CIT: variants seen among roughly 807,000 people sequenced by gnomAD.
The protein encoded by CIT is citron rho-interacting serine/threonine kinase, also known as citron Rho-interacting kinase.
In CIT, 79 loss-of-function variants were observed where a neutral mutation model predicts 272.7. That is an observed-to-expected ratio of 0.29 (90% CI 0.24 to 0.35). The LOEUF (loss-of-function observed/expected upper bound fraction) is 0.35, where lower values mean the gene tolerates loss of function less well. Ranked by LOEUF, CIT falls within the 10% of genes least tolerant of loss-of-function variation. CIT has a pLI of 1.00. For missense variants in CIT, 1,909 were observed against 2,618.3 expected (o/e 0.73, Z 5.91); for synonymous variants, 948 against 995.6 (o/e 0.95, Z 0.90).
intron 30 of CIT, among the ~76,000 whole-genome samples, chr12:119,720,029 C>T (rs530119891): frequency 1.3e-5 from 2 of 152,244 alleles, no homozygotes; most frequent in Non-Finnish European, 1.5e-5. Context: ...CTTTGTGAGC[C>T]GATCAAAAGG....
intron 32 of CIT, among the ~76,000 whole-genome samples, chr12:119,717,400 T>C (rs1000328419): frequency 7.1e-6 from 1 of 140,840 alleles, no homozygotes; most frequent in Non-Finnish European, 1.5e-5. Flanking sequence ...TTTTTTCATA[T>C]TCTTTTTTCT....
Position 119,694,699 on chromosome 12 carries a change from G to T in CIT, c.5882+2960C>A, listed in dbSNP as rs752351691. Among the ~76,000 whole-genome samples, 5 of 152,066 alleles carry T rather than the reference G, an allele frequency of 3.3e-5. No homozygotes were observed. The highest frequency in any genetic ancestry group is 9.7e-5 in the African/African-American group (4 of 41,398). On this transcript the variant is annotated intron_variant, in intron 46 of 47. Transcript: ENST00000392521. The surrounding 1 kb of genome is among the most constrained non-coding windows in gnomAD (Gnocchi z 4.5). ...GGCGCCTGTAGTCCCAGCTACTCGG[G>T]GGGAGGCTGAAGTCGGGGGCTCTCT...
Position 119,832,839 on chromosome 12 carries a change from C to A in CIT, c.685G>T (p.Val229Phe). 2.5e-6 allele frequency: 4 copies of A among 1,613,972 alleles called. No homozygotes were observed. The highest frequency in any genetic ancestry group is 3.4e-6 in the Non-Finnish European group (4 of 1,179,878). Reference protein sequence around the residue: ...HRDIKPENILVDRTGHIKLVD... With the variant: ...HRDIKPENILFDRTGHIKLVD... The stretch of plus-strand genomic sequence containing the variant: ...AGCTTGATGTGTCCTGTGCGGTCAA[C>A]GAGAATGTTCTCAGGCTTGATGTCT... The change falls in exon 7 of 48, where the codon GTT becomes TTT. Residue 229 changes from valine (V) to phenylalanine (F), a missense_variant. Transcript: ENST00000392521.
chr12:119,720,450 T>C, intron 30 of CIT, 28 bp downstream of exon 30: 1 of 1,505,248 alleles, frequency 6.6e-7, no homozygotes, highest in Middle Eastern at 1.7e-4. Flanking sequence ...AAACTGACAA[T>C]TCCCACTTTT....
At chr12:119,827,442 AT>A (rs5801368) in intron 7 of CIT, among the ~76,000 whole-genome samples, 30 of 148,744 alleles carry the variant, frequency 2.0e-4, no homozygotes, top group South Asian at 4.2e-4. Context: ...TAACCAATAG[AT>A]TTTTTTTTTT....
intron 5 of CIT, among the ~76,000 whole-genome samples, chr12:119,848,895 G>T (rs1970014449): frequency 6.6e-6 from 1 of 151,984 alleles, no homozygotes; most frequent in East Asian, 1.9e-4. Flanking sequence ...GCACAGTGGT[G>T]TATGCCCGGG....
At position 119,728,403 on chromosome 12, in the gene CIT, T is replaced by C; in HGVS notation, c.3591+99A>G. ...TGTGGGAACTCTCTGTGCTTTCTGC[T>C]CAATTTTGCTGTGAACCTAAAGCTG... On this transcript the variant is annotated intron_variant, in intron 28 of 47. Transcript: ENST00000392521. The surrounding 1 kb of genome is among the most constrained non-coding windows in gnomAD (Gnocchi z 4.3). The C allele has an allele frequency of 1.4e-6, 1 of 720,980 alleles. No homozygotes were observed. The highest frequency in any genetic ancestry group is 1.7e-5 in the South Asian group (1 of 58,798). 44.7% of individuals were successfully genotyped at this position (720,980 alleles called of 1,614,324 possible). A position where few individuals can be genotyped will look rare whatever the true frequency, so the allele number is the denominator to read the frequency against.
At chr12:119,793,971 C>T (rs1965524218) in intron 10 of CIT, among the ~76,000 whole-genome samples, 1 of 152,284 alleles carries the variant, frequency 6.6e-6, no homozygotes, top group Middle Eastern at 3.4e-3. Flanking sequence ...GCCCCTAGGA[C>T]CTCAGAGCTG....
chr12:119,818,757 T>C (rs1339074856), intron 9 of CIT, among the ~76,000 whole-genome samples: 6 of 152,202 alleles, frequency 3.9e-5, no homozygotes, highest in African/African-American at 1.4e-4. Context: ...TTAGCCATAA[T>C]GTCCTAGGAA....
At chr12:119,760,753 A>T (rs950708698) in intron 20 of CIT, among the ~76,000 whole-genome samples, 186 bp downstream of exon 20, 1 of 152,222 alleles carries the variant, frequency 6.6e-6, no homozygotes, top group Non-Finnish European at 1.5e-5. Context: ...CTGGCCATCC[A>T]GAGCCACCAC....
Position 119,784,888 on chromosome 12 carries a change from G to T in CIT, c.1401+72C>A, listed in dbSNP as rs1228108666. On this transcript the variant is annotated intron_variant, in intron 11 of 47. Coordinates refer to ENST00000392521, the MANE Select transcript of CIT (RefSeq NM_001206999.2). The surrounding 1 kb of genome is among the most constrained non-coding windows in gnomAD (Gnocchi z 4.7). ...CGGCTCAGAGCCAGCAGCGGCCCCG[G>T]GCGGATCCCTTGGCATATACGGACG... 6.4e-7 allele frequency: 1 copy of T among 1,573,950 alleles called. No homozygotes were observed. Among genetic ancestry groups the T allele is most frequent in the Non-Finnish European group, 8.6e-7 (1 of 1,159,650 alleles).
At chr12:119,745,315 G>A (rs1382166566) in intron 23 of CIT, among the ~76,000 whole-genome samples, 3 of 98,018 alleles carry the variant, frequency 3.1e-5, no homozygotes, top group African/African-American at 7.7e-5. Flanking sequence ...GGCATGAAAA[G>A]CTAGAACACA....
At position 119,834,311 on chromosome 12, in the gene CIT, C is replaced by T. The variant is rs1968850435; in HGVS notation, c.517-83G>A. The T allele has an allele frequency of 9.5e-6, 12 of 1,262,310 alleles. No homozygotes were observed. In the East Asian group the frequency reaches 1.4e-4, roughly 15 times the overall value. The allele number at this position is 1,262,310 out of a possible 1,614,324, so 78.2% of individuals were successfully genotyped here. A position where few individuals can be genotyped will look rare whatever the true frequency, so the allele number is the denominator to read the frequency against. On this transcript the variant is annotated intron_variant, in intron 5 of 47. Transcript: ENST00000392521. ...AATTAGATCCTCGAATATCACCTGA[C>T]GTGTTATAATAACAAGGTCTCCACA...
intron 9 of CIT, among the ~76,000 whole-genome samples, chr12:119,813,624 G>T (rs1382344111): frequency 6.6e-6 from 1 of 152,174 alleles, no homozygotes; most frequent in Non-Finnish European, 1.5e-5. Context: ...TTTAAGGGTT[G>T]AAGACTCCAA....
At chr12:119,842,972 C>G (rs138224333) in intron 5 of CIT, among the ~76,000 whole-genome samples, 102 of 152,268 alleles carry the variant, frequency 6.7e-4, no homozygotes, top group African/African-American at 2.3e-3. Context: ...GACAGACCAG[C>G]ACCCACTCAT....
chr12:119,717,834 C>CTTTTTTTTTTTTTTTTTTTTT lies in CIT; in HGVS notation c.4168+410_4168+411insAAAAAAAAAAAAAAAAAAAAA, dbSNP rs546520444. Among the ~76,000 whole-genome samples the CTTTTTTTTTTTTTTTTTTTTT allele has an allele frequency of 5.4e-4, 38 of 70,230 alleles. 1 individual carries two copies. The highest frequency in any genetic ancestry group is 1.5e-3 in the African/African-American group (31 of 20,098). 46.1% of individuals were successfully genotyped at this position (70,230 alleles called of 152,430 possible). A position where few individuals can be genotyped will look rare whatever the true frequency, so the allele number is the denominator to read the frequency against. On this transcript the variant is annotated intron_variant, in intron 32 of 47. Transcript: ENST00000392521. Reference sequence around the variant, plus strand: ...GGATGGGGAGCCAGGAGACTGACTTCTTTCTTTTTTTTTTTTTTTTTTTTG... The same window carrying CTTTTTTTTTTTTTTTTTTTTT: ...GGATGGGGAGCCAGGAGACTGACTTCTTTTTTTTTTTTTTTTTTTTTTTTCTTTTTTTTTTTTTTTTTTTTG...
intron 16 of CIT, 99 bp from the exon 17 acceptor site, chr12:119,773,009 T>C (rs537029587): frequency 9.4e-5 from 77 of 823,446 alleles, no homozygotes; most frequent in African/African-American, 8.3e-4. Flanking sequence ...ACTTAAAGTA[T>C]AATCTAAAAA....
intron 13 of CIT, among the ~76,000 whole-genome samples, chr12:119,777,447 G>A (rs376039811): frequency 5.9e-5 from 9 of 151,976 alleles, no homozygotes; most frequent in Middle Eastern, 3.4e-3. Flanking sequence ...TGAGGCAGGC[G>A]GATCACAAGG....
chr12:119,703,420 AC>A (rs1225935357), intron 41 of CIT, among the ~76,000 whole-genome samples: 5 of 110,354 alleles, frequency 4.5e-5, no homozygotes, highest in African/African-American at 1.8e-4. Context: ...CCTTCATTTC[AC>A]TTTTTTTTTT....
Sources: gnomAD v4.1 joint callset for allele counts (sites outside exome capture counted in the v4.1 genomes callset) on GRCh38, gnomAD v4.1.1 for gene constraint, Gnocchi (gnomAD v3.1) non-coding constraint, MANE v1.5 for transcripts, NCBI Gene and HGNC (gene_info 2026-07-23, HGNC 2026-07-21) for gene names.